The following AGBL1 variants were observed in gnomAD, a reference collection of about 807,000 sequenced individuals.
AGBL1 encodes the protein cytosolic carboxypeptidase 4.
In AGBL1, 130 loss-of-function variants were observed where a neutral mutation model predicts 118.9. The observed-to-expected ratio is 1.09, with a 90% CI of 0.95 to 1.26. The LOEUF (loss-of-function observed/expected upper bound fraction) is 1.26, where lower values mean the gene tolerates loss of function less well. AGBL1 is among the 50% of genes most tolerant of loss of function. AGBL1 has a pLI of 0.00. For synonymous variants in AGBL1, 555 were observed against 478.9 expected, an observed-to-expected ratio of 1.16 and a Z score of -2.08; for missense variants, 1,584 against 1,298.1, an observed-to-expected ratio of 1.22 and a Z score of -3.38.
chr15:86,125,219 C>T (rs964129196), intron 1 of AGBL1, among the ~76,000 whole-genome samples: 9 of 152,176 alleles, frequency 5.9e-5, no homozygotes, highest in Non-Finnish European at 8.8e-5. Context: ...GAGGTTTCCA[C>T]CCTGTGATAG....
At chr15:86,507,787 G>A (rs2082996591) in intron 18 of AGBL1, among the ~76,000 whole-genome samples, 1 of 152,076 alleles carries the variant, frequency 6.6e-6, no homozygotes, top group African/African-American at 2.4e-5. Flanking sequence ...GGGTGGTAGT[G>A]TTGAAAGTGG....
intron 22 of AGBL1, among the ~76,000 whole-genome samples, chr15:86,882,627 T>C (rs940637009): frequency 6.6e-6 from 1 of 152,232 alleles, no homozygotes; most frequent in Non-Finnish European, 1.5e-5. Context: ...AAATGGTCTG[T>C]AGGGTTATTT....
At chr15:86,320,362 C>A (rs980531086) in intron 17 of AGBL1, among the ~76,000 whole-genome samples, 2 of 151,452 alleles carry the variant, frequency 1.3e-5, no homozygotes, top group African/African-American at 4.9e-5. Context: ...AATTTATATA[C>A]TTGTGGCTAT....
chr15:86,667,202 CTATG>C (rs760570520), intron 21 of AGBL1, among the ~76,000 whole-genome samples: 2 of 130,678 alleles, frequency 1.5e-5, no homozygotes, highest in African/African-American at 2.6e-5. Flanking sequence ...ATTGAGATAT[CTATG>C]TATGTATCTA....
chr15:86,453,128 T>A (rs557106333), intron 18 of AGBL1, among the ~76,000 whole-genome samples: 43 of 152,318 alleles, frequency 2.8e-4, no homozygotes, highest in South Asian at 1.0e-3. Context: ...TTGTCTTGTC[T>A]GCGACTCTAT....
intron 24 of AGBL1, among the ~76,000 whole-genome samples, chr15:86,998,527 G>C (rs1461241889): frequency 6.6e-6 from 1 of 152,276 alleles, no homozygotes; most frequent in East Asian, 1.9e-4. Context: ...TAAAGATTCT[G>C]ATATAGAGAC....
chr15:86,697,998 C>G lies in AGBL1; in HGVS notation c.3158+23562C>G, dbSNP rs1378766392. Among the ~76,000 whole-genome samples, 5 of 151,978 alleles carry G rather than the reference C, an allele frequency of 3.3e-5. No homozygotes were observed. The East Asian group carries it at 9.7e-4, about 29-fold the overall frequency. ...AGAGTCTATGAATTTTCTTAGCTTT[C>G]CTAGTATATTCCTGCAGTAGTTCTT... is the stretch of plus-strand genomic sequence containing the variant. On this transcript the variant is annotated intron_variant, in intron 22 of 22. Coordinates refer to ENST00000614907, the MANE Select transcript of AGBL1 (RefSeq NM_001386094.1).
At chr15:86,549,492 A>G (rs2083633822) in intron 20 of AGBL1, among the ~76,000 whole-genome samples, 1 of 152,178 alleles carries the variant, frequency 6.6e-6, no homozygotes, top group Non-Finnish European at 1.5e-5. Context: ...AATATTCTGC[A>G]GATTAATCCA....
intron 21 of AGBL1, among the ~76,000 whole-genome samples, chr15:86,655,536 A>G (rs1260964965): frequency 2.0e-5 from 3 of 151,990 alleles, no homozygotes; most frequent in South Asian, 2.1e-4. Context: ...TCCCTCAAAT[A>G]TTTGTAAAGC....
intron 5 of AGBL1, among the ~76,000 whole-genome samples, chr15:86,179,891 C>T (rs1597501716): frequency 6.6e-6 from 1 of 152,204 alleles, no homozygotes; most frequent in African/African-American, 2.4e-5. Context: ...TATATTTCTA[C>T]ATAGTGCAAC....
rs139541091 is a variant in AGBL1 at position 86,407,367 on chromosome 15, A to G, written c.2555+9821A>G. 1.1e-3 allele frequency among the ~76,000 whole-genome samples: 165 copies of G among 152,292 alleles called. 6 individuals carry two copies. In the East Asian group the frequency reaches 0.03, roughly 27 times the overall value. The stretch of plus-strand genomic sequence containing the variant: ...CTCTTGTTCTTTTCACTAGGGTTAT[A>G]CAGCCCCACTGTGTCAAAGCTTCTA... On this transcript the variant is annotated intron_variant, in intron 18 of 22. Transcript: ENST00000614907.
At chr15:86,192,623 CATTT>C (rs1200499369) in intron 5 of AGBL1, among the ~76,000 whole-genome samples, 1 of 152,040 alleles carries the variant, frequency 6.6e-6, no homozygotes, top group Non-Finnish European at 1.5e-5. Flanking sequence ...TAAAAATAAA[CATTT>C]ATATGCATGG....
chr15:86,162,007 A>G (rs548554560), intron 5 of AGBL1, among the ~76,000 whole-genome samples: 5 of 152,200 alleles, frequency 3.3e-5, no homozygotes, highest in African/African-American at 7.2e-5. Flanking sequence ...TACAAATACT[A>G]TGGGATGTCT....
rs2081405695 is a variant in AGBL1 at position 86,998,880 on chromosome 15, T to C, written c.3323+10792T>C. The stretch of plus-strand genomic sequence containing the variant: ...TTATATATATATATATTTTTTATTA[T>C]ACTTTAAGTTCTAGGGTACATGTGC... On this transcript the variant is annotated intron_variant, in intron 24 of 24. Transcript: ENST00000441037. Among the ~76,000 whole-genome samples, 4 of 151,350 alleles carry C rather than the reference T, an allele frequency of 2.6e-5. No individual in the cohort carries two copies. In the South Asian group the frequency reaches 8.3e-4, roughly 31 times the overall value.
At chr15:86,147,176 C>T (rs1192641516) in intron 3 of AGBL1, among the ~76,000 whole-genome samples, 1 of 152,168 alleles carries the variant, frequency 6.6e-6, no homozygotes, top group African/African-American at 2.4e-5. Context: ...CAGCTCCGGT[C>T]TGCAGCAACT....
chr15:86,113,261 C>CTTTTCTTTTCTTTTCTTTTCT (rs1268457529), intron 1 of AGBL1, among the ~76,000 whole-genome samples: 1 of 59,232 alleles, frequency 1.7e-5, no homozygotes, highest in Non-Finnish European at 3.8e-5. Context: ...TCTTTTCTTT[C>CTTTTCTTTTCTTTTCTTTTCT]TTTCTTTCTT....
chr15:86,404,447 C>T (rs938063267), intron 18 of AGBL1, among the ~76,000 whole-genome samples: 1 of 152,212 alleles, frequency 6.6e-6, no homozygotes, highest in East Asian at 1.9e-4. Context: ...CTTAGACTGT[C>T]TCCTCTGGGC....
intron 21 of AGBL1, among the ~76,000 whole-genome samples, chr15:86,623,311 T>C (rs1423370732): frequency 6.6e-6 from 1 of 152,146 alleles, no homozygotes; most frequent in African/African-American, 2.4e-5. Context: ...GATGGGGCCA[T>C]CATAAATGCT....
chr15:86,211,158 A>G (rs1031760454), intron 5 of AGBL1, among the ~76,000 whole-genome samples: 1 of 152,224 alleles, frequency 6.6e-6, no homozygotes, highest in African/African-American at 2.4e-5. Flanking sequence ...GCTGCAGAAC[A>G]GCAAATATTG....
Sources: gnomAD v4.1 joint callset for allele counts (sites outside exome capture counted in the v4.1 genomes callset) on GRCh38, gnomAD v4.1.1 for gene constraint, MANE v1.5 for transcripts, NCBI Gene and HGNC (gene_info 2026-07-23, HGNC 2026-07-21) for gene names.